SLC7A9: variants seen among roughly 807,000 people sequenced by gnomAD.
SLC7A9 encodes B(0,+)-type amino acid transporter 1.
A neutral mutation model predicts 54.1 loss-of-function variants in SLC7A9; 38 were observed. The observed-to-expected ratio is 0.70, with a 90% CI of 0.54 to 0.92. SLC7A9 has a LOEUF of 0.92. Among genes scored for constraint, SLC7A9 ranks in the 40% least tolerant of loss-of-function variants. The pLI, the probability that SLC7A9 is intolerant of heterozygous loss-of-function variation, is 0.00. For synonymous variants in SLC7A9, 264 were observed against 258.9 expected (o/e 1.02, Z -0.19); for missense variants, 537 against 636.1 (o/e 0.84, Z 1.68).
intron 8 of SLC7A9, among the ~76,000 whole-genome samples, chr19:32,859,455 A>G (rs1968727789): frequency 1.3e-5 from 2 of 152,010 alleles, no homozygotes; most frequent in African/African-American, 4.8e-5. Context: ...TCTGTTTGCA[A>G]CTGCAGGAGG....
At chr19:32,862,081 CCCA>C in intron 6 of SLC7A9, 34 bp downstream of exon 6, 1 of 1,418,922 alleles carries the variant, frequency 7.0e-7, no homozygotes, top group Non-Finnish European at 1.0e-6. Context: ...GAGAACCCCA[CCCA>C]CCCCCAGACT....
At chr19:32,833,030 G>A (rs938145853) in intron 12 of SLC7A9, 119 bp downstream of exon 12, 5 of 1,002,432 alleles carry the variant, frequency 5.0e-6, no homozygotes, top group East Asian at 2.4e-5. Context: ...CTCCTGGGAC[G>A]AGGGAGATCT....
chr19:32,841,782 C>CT (rs1968133746), intron 11 of SLC7A9, among the ~76,000 whole-genome samples: 1 of 152,154 alleles, frequency 6.6e-6, no homozygotes, highest in Admixed American at 6.6e-5. Flanking sequence ...TGGCAGATGT[C>CT]TGTAATCCCA....
chr19:32,844,323 A>G (rs1968217385), intron 9 of SLC7A9, among the ~76,000 whole-genome samples: 1 of 152,194 alleles, frequency 6.6e-6, no homozygotes, highest in African/African-American at 2.4e-5. Flanking sequence ...TGTGTTGGGA[A>G]CATTCAATAT....
intron 11 of SLC7A9, 134 bp from the exon 12 acceptor site, chr19:32,833,457 G>T: frequency 1.1e-6 from 1 of 935,870 alleles, no homozygotes; most frequent in Non-Finnish European, 1.7e-6. Flanking sequence ...ATGTAATTTT[G>T]CCAATCTTAT....
At chr19:32,859,466 C>T (rs189621120) in intron 8 of SLC7A9, among the ~76,000 whole-genome samples, 50 of 152,248 alleles carry the variant, frequency 3.3e-4, no homozygotes, top group Admixed American at 2.6e-3. Flanking sequence ...CTGCAGGAGG[C>T]CCCCAGCCAC....
At chr19:32,862,659 A>G (rs1441493237) in intron 4 of SLC7A9, 73 bp from the exon 5 acceptor site, 7 of 1,353,744 alleles carry the variant, frequency 5.2e-6, no homozygotes, top group Admixed American at 2.7e-5. Flanking sequence ...TTTCTTTTAT[A>G]TATTTTTTAT....
intron 11 of SLC7A9, among the ~76,000 whole-genome samples, chr19:32,835,795 TTAATG>T (rs1967938788): frequency 2.0e-5 from 3 of 152,148 alleles, no homozygotes; most frequent in Non-Finnish European, 4.4e-5. Flanking sequence ...ATTGATATAT[TTAATG>T]TAATGGAGCT....
chr19:32,832,587 C>CAA lies in SLC7A9; in HGVS notation c.1399+560_1399+561dup, dbSNP rs746136682. 5.8e-3 allele frequency among the ~76,000 whole-genome samples: 530 copies of CAA among 91,424 alleles called. 5 individuals are homozygous for CAA. The highest frequency in any genetic ancestry group is 6.9e-3 in the Non-Finnish European group (313 of 45,194). The allele number at this position is 91,424 out of a possible 152,430, so 60.0% of individuals were successfully genotyped here. ...TGGGCAACAGAGTGAGACTGTGTCTCAAAAAAAAAAAAAAAAAGAAAGAAA... is the reference window on the plus strand; with the variant it reads ...TGGGCAACAGAGTGAGACTGTGTCTCAAAAAAAAAAAAAAAAAAAGAAAGAAA... On this transcript the variant is annotated intron_variant, in intron 12 of 12. Coordinates refer to ENST00000023064, the MANE Select transcript of SLC7A9 (RefSeq NM_014270.5).
chr19:32,843,807 G>T, intron 10 of SLC7A9, 48 bp downstream of exon 10: 2 of 1,426,302 alleles, frequency 1.4e-6, no homozygotes, highest in Non-Finnish European at 9.9e-7. Flanking sequence ...CCCCATGGAT[G>T]GAGTGTCCCC....
At position 32,863,914 on chromosome 19, in the gene SLC7A9, C is replaced by T. The variant is rs77286212; in HGVS notation, c.478+182G>A. ...TGCAGGACAGCCAGCGGCACCCCTCCCTGCAGCCCCCACGGGCCTGGGGGT... is the reference window on the plus strand; with the variant it reads ...TGCAGGACAGCCAGCGGCACCCCTCTCTGCAGCCCCCACGGGCCTGGGGGT... On this transcript the variant is annotated intron_variant, in intron 4 of 12. Coordinates refer to ENST00000023064, the MANE Select transcript of SLC7A9 (RefSeq NM_014270.5). Among the ~76,000 whole-genome samples the T allele has an allele frequency of 0.013, 1,955 of 152,318 alleles. 44 individuals carry two copies. Among genetic ancestry groups the T allele is most frequent in the African/African-American group, 0.045 (1,872 of 41,574 alleles).
chr19:32,853,615 C>CTTT (rs71176158), intron 9 of SLC7A9, among the ~76,000 whole-genome samples: 8 of 151,622 alleles, frequency 5.3e-5, no homozygotes, highest in Admixed American at 5.3e-4. Context: ...ACTCAAAAAA[C>CTTT]TTTTTTTTAC....
chr19:32,850,868 T>C (rs370585409), intron 9 of SLC7A9, among the ~76,000 whole-genome samples: 17,228 of 152,056 alleles, frequency 0.11, 1,102 homozygotes, highest in Middle Eastern at 0.16. Context: ...GAAATAATGC[T>C]GCATATCTAC....
At chr19:32,835,911 A>ATGTGTG (rs60204379) in intron 11 of SLC7A9, among the ~76,000 whole-genome samples, 1 of 142,734 alleles carries the variant, frequency 7.0e-6, no homozygotes, top group Non-Finnish European at 1.5e-5. Context: ...GTGTGTGTGT[A>ATGTGTG]TGTGTGTGTG....
At chr19:32,864,902 C>T in intron 2 of SLC7A9, 126 bp from the exon 3 acceptor site, 1 of 1,239,130 alleles carries the variant, frequency 8.1e-7, no homozygotes, top group East Asian at 2.3e-5. Context: ...GGCGCTTCCA[C>T]CCTGAGCGGC....
At chr19:32,847,930 C>G (rs1311580148) in intron 9 of SLC7A9, among the ~76,000 whole-genome samples, 1 of 152,110 alleles carries the variant, frequency 6.6e-6, no homozygotes, top group African/African-American at 2.4e-5. Context: ...CGTACCCACC[C>G]AAGCTAAGCT....
At chr19:32,854,292 G>A (rs1968554975) in intron 9 of SLC7A9, among the ~76,000 whole-genome samples, 1 of 152,012 alleles carries the variant, frequency 6.6e-6, no homozygotes, top group African/African-American at 2.4e-5. Context: ...TTGATTACAG[G>A]TGTGAGCCAC....
chr19:32,841,351 C>T (rs909786676), intron 11 of SLC7A9, among the ~76,000 whole-genome samples: 8 of 151,958 alleles, frequency 5.3e-5, no homozygotes, highest in East Asian at 3.9e-4. Context: ...AGAGGGAGCC[C>T]GAAACAGATG....
At chr19:32,867,051 G>A (rs551758064) in intron 2 of SLC7A9, among the ~76,000 whole-genome samples, 1 of 152,288 alleles carries the variant, frequency 6.6e-6, no homozygotes, top group Admixed American at 6.5e-5. Flanking sequence ...TGCAGGCCCA[G>A]GGCCAGCCCC....
Sources: allele counts gnomAD v4.1 joint callset (sites outside exome capture counted in the v4.1 genomes callset), GRCh38; gene constraint gnomAD v4.1.1; transcripts MANE v1.5; gene names NCBI Gene and HGNC (gene_info 2026-07-23, HGNC 2026-07-21).